GORASP2: variants seen among roughly 807,000 people sequenced by gnomAD.
GORASP2 encodes golgi reassembly stacking protein 2.
GORASP2 carries 22 observed loss-of-function variants against 45.7 expected under a neutral mutation model. That is an observed-to-expected ratio of 0.48 (90% CI 0.34 to 0.69). GORASP2 has a LOEUF of 0.69. GORASP2 is among the 30% of genes least tolerant of loss of function. The pLI, the probability that GORASP2 is intolerant of heterozygous loss-of-function variation, is 0.01. For missense variants in GORASP2, 491 were observed against 562.7 expected (o/e 0.87, Z 1.29); for synonymous variants, 221 against 215.6 (o/e 1.02, Z -0.22).
chr2:170,963,111 G>A lies in GORASP2; in HGVS notation c.1018+165G>A, dbSNP rs1293579788. ...TGTTTAAAAAGCTTAAGAGGATCAC[G>A]CCTGTAATCCCAGCACTTTGGGAGG... On this transcript the variant is annotated intron_variant, in intron 9 of 9. Coordinates refer to ENST00000234160, the MANE Select transcript of GORASP2 (RefSeq NM_015530.5). Among the ~76,000 whole-genome samples the A allele has an allele frequency of 3.9e-5, 6 of 152,124 alleles. No individual in the cohort carries two copies. In the South Asian group the frequency reaches 6.2e-4, roughly 16 times the overall value.
At chr2:170,965,307 A>G (rs1352719425) in intron 9 of GORASP2, among the ~76,000 whole-genome samples, 2 of 152,362 alleles carry the variant, frequency 1.3e-5, no homozygotes, top group East Asian at 3.9e-4. Flanking sequence ...ACTCCTGGTG[A>G]GGACAGTGGA....
Position 170,961,765 on chromosome 2 carries a change from C to G in GORASP2, c.910+16C>G. On this transcript the variant is annotated intron_variant, in intron 8 of 9. Transcript: ENST00000234160. ...ACATTACCAGGTAACCACCAGGGGACTAGAGATGTGGCTGATAATAACAGT... is the reference window on the plus strand; with the variant it reads ...ACATTACCAGGTAACCACCAGGGGAGTAGAGATGTGGCTGATAATAACAGT... 3.9e-6 allele frequency: 5 copies of G among 1,279,876 alleles called. No individual in the cohort carries two copies. Among genetic ancestry groups the G allele is most frequent in the Non-Finnish European group, 5.7e-6 (5 of 874,530 alleles). The allele number at this position is 1,279,876 out of a possible 1,614,324, so 79.3% of individuals were successfully genotyped here. A position where few individuals can be genotyped will look rare whatever the true frequency, so the allele number is the denominator to read the frequency against.
chr2:170,931,935 A>T lies in GORASP2; in HGVS notation c.63+2532A>T, dbSNP rs974356001. ...TTCAGATATATTTTATGCTTATAAA[A>T]AAGTCTCTTTGGCCGCGCACAGTGG... On this transcript the variant is annotated intron_variant, in intron 1 of 9. Coordinates refer to ENST00000234160, the MANE Select transcript of GORASP2 (RefSeq NM_015530.5). Among the ~76,000 whole-genome samples, 3 of 152,358 alleles carry T rather than the reference A, an allele frequency of 2.0e-5. 1 individual carries two copies. In the South Asian group the frequency reaches 6.2e-4, roughly 32 times the overall value.
At chr2:170,934,512 C>T (rs897894989) in intron 1 of GORASP2, among the ~76,000 whole-genome samples, 1 of 152,020 alleles carries the variant, frequency 6.6e-6, no homozygotes, top group African/African-American at 2.4e-5. Context: ...CACCCGCCTC[C>T]ACCTCCGACA....
At position 170,957,809 on chromosome 2, in the gene GORASP2, C is replaced by T. The variant is rs1301581319; in HGVS notation, c.823+1250C>T. 2.6e-5 allele frequency among the ~76,000 whole-genome samples: 4 copies of T among 152,162 alleles called. No individual in the cohort carries two copies. The East Asian group carries it at 5.8e-4, about 22-fold the overall frequency. On this transcript the variant is annotated intron_variant, in intron 7 of 9. Coordinates refer to ENST00000234160, the MANE Select transcript of GORASP2 (RefSeq NM_015530.5). The stretch of plus-strand genomic sequence containing the variant: ...CCAAAAGAAACCCTGTACGCATTAT[C>T]AGTTTTTCTGAAGTTTTAGTTTTTA...
chr2:170,948,829 A>G (rs1469896574), intron 2 of GORASP2: 1 of 157,900 alleles, frequency 6.3e-6, no homozygotes, highest in Non-Finnish European at 1.4e-5. Context: ...TTCACAATAT[A>G]TGAATAATGT....
chr2:170,951,005 G>T (rs1400530370), intron 4 of GORASP2, among the ~76,000 whole-genome samples: 1 of 151,918 alleles, frequency 6.6e-6, no homozygotes, highest in Non-Finnish European at 1.5e-5. Context: ...AAAAAAAAAA[G>T]AGTGAGAAAT....
chr2:170,953,940 C>G (rs1704363665), intron 5 of GORASP2: 1 of 152,244 alleles, frequency 6.6e-6, no homozygotes, highest in African/African-American at 2.4e-5. Context: ...GGCAGACACT[C>G]TGATTGACAA....
chr2:170,962,993 T>A, intron 9 of GORASP2, 47 bp downstream of exon 9: 1 of 1,285,434 alleles, frequency 7.8e-7, no homozygotes, highest in Non-Finnish European at 1.1e-6. Flanking sequence ...AATAAAAGTT[T>A]TATTCAGGAA....
intron 1 of GORASP2, among the ~76,000 whole-genome samples, chr2:170,941,003 G>C (rs1189476025): frequency 6.6e-6 from 1 of 152,128 alleles, no homozygotes; most frequent in Non-Finnish European, 1.5e-5. Context: ...TTATGTAATA[G>C]AGATGCCCCT....
At position 170,944,567 on chromosome 2, in the gene GORASP2, A is replaced by T. The variant is rs571816020; in HGVS notation, c.64-3783A>T. 1.8e-3 allele frequency among the ~76,000 whole-genome samples: 271 copies of T among 152,346 alleles called. 1 individual carries two copies. The highest frequency in any genetic ancestry group is 0.012 in the South Asian group (58 of 4,830). On this transcript the variant is annotated intron_variant, in intron 1 of 9. Transcript: ENST00000234160. Reference sequence around the variant, plus strand: ...ATCATTTTTGAATTATAGGAAAAATACTTCTGATATTGGAAAATTTCCATT... The same window carrying T: ...ATCATTTTTGAATTATAGGAAAAATTCTTCTGATATTGGAAAATTTCCATT...
rs1348994188 is a variant in GORASP2 at position 170,958,672 on chromosome 2, TTTAA to T, written c.823+2114_823+2117del. ...GATGCTCTTTTTTTTTTTTTTTTTT[TTTAA>T]AAAAAAAAAAAACAGACTCTGTTGC... On this transcript the variant is annotated intron_variant, in intron 7 of 9. Transcript: ENST00000234160. 4.8e-4 allele frequency among the ~76,000 whole-genome samples: 35 copies of T among 73,630 alleles called. No individual in the cohort carries two copies. The East Asian group carries it at 0.023, about 48-fold the overall frequency. The allele number at this position is 73,630 out of a possible 152,430, so 48.3% of individuals were successfully genotyped here.
At chr2:170,959,262 C>T (rs1704497942) in intron 7 of GORASP2, among the ~76,000 whole-genome samples, 1 of 152,168 alleles carries the variant, frequency 6.6e-6, no homozygotes, top group African/African-American at 2.4e-5. Flanking sequence ...GTGCCCGGCC[C>T]CAGATGCGCT....
In GORASP2 at chr2:170,936,869, A is replaced by G. The variant is rs975804467; in HGVS notation, c.63+7466A>G. 1.6e-5 allele frequency: 4 copies of G among 245,226 alleles called. No homozygotes were observed. The East Asian group carries it at 3.7e-4, about 23-fold the overall frequency. 15.2% of individuals were successfully genotyped at this position (245,226 alleles called of 1,614,324 possible). Reference sequence around the variant, plus strand: ...ACACCACTGCACTCCAGCCTGGGTAACAGCAGCGTCTCTAAAATTAATTAA... The same window carrying G: ...ACACCACTGCACTCCAGCCTGGGTAGCAGCAGCGTCTCTAAAATTAATTAA... On this transcript the variant is annotated intron_variant, in intron 1 of 9. Transcript: ENST00000234160.
At chr2:170,931,907 C>G (rs755107919) in intron 1 of GORASP2, among the ~76,000 whole-genome samples, 1 of 152,180 alleles carries the variant, frequency 6.6e-6, no homozygotes, top group Non-Finnish European at 1.5e-5. Context: ...TTTTACATAG[C>G]CTTTCAGATA....
chr2:170,965,956 C>T lies in GORASP2; in HGVS notation c.1185C>T (p.Ser395=), dbSNP rs4668356. 1,478,991 of 1,613,776 alleles carry T rather than the reference C, an allele frequency of 0.92. 682,802 individuals carry two copies. The highest frequency in any genetic ancestry group is 1 in the East Asian group (44,833 of 44,838). ...TCCCGCCCACCAGCAACGCACCCTC[C>T]GACCCTGCCACAACTACTGCAAAGG... The part of the protein sequence containing the change: ...SSLPPTSNAP[S]DPATTTAKAD... The change falls in exon 10 of 10, where the codon TCC becomes TCT. Residue 395 remains serine (S), a synonymous_variant. Coordinates refer to ENST00000234160, the MANE Select transcript of GORASP2 (RefSeq NM_015530.5).
intron 1 of GORASP2, among the ~76,000 whole-genome samples, chr2:170,934,480 G>C (rs888315221): frequency 6.6e-6 from 1 of 151,730 alleles, no homozygotes; most frequent in Non-Finnish European, 1.5e-5. Flanking sequence ...GGCTGTTCTC[G>C]AACTCCTGAC....
chr2:170,961,285 G>A (rs1254134282), intron 7 of GORASP2, among the ~76,000 whole-genome samples: 2 of 152,332 alleles, frequency 1.3e-5, no homozygotes, highest in African/African-American at 2.4e-5. Flanking sequence ...CCTGGCTTAC[G>A]TGGCATCTTA....
intron 3 of GORASP2, chr2:170,949,960 T>G (rs921898908): frequency 8.8e-6 from 5 of 567,734 alleles, no homozygotes; most frequent in Admixed American, 6.3e-5. Context: ...TTCTAATGAT[T>G]TATTCATTAT....
Sources: gnomAD v4.1 joint callset for allele counts (sites outside exome capture counted in the v4.1 genomes callset) on GRCh38, gnomAD v4.1.1 for gene constraint, MANE v1.5 for transcripts, NCBI Gene and HGNC (gene_info 2026-07-23, HGNC 2026-07-21) for gene names.